RAP1GAP2: variants seen among roughly 807,000 people sequenced by gnomAD.
The protein encoded by RAP1GAP2 is rap1 GTPase-activating protein 2.
Under a neutral mutation model 95.0 loss-of-function variants are expected in RAP1GAP2, and 27 were observed. The ratio of observed to expected loss-of-function variants is 0.28; its 90% CI spans 0.21 to 0.39. The LOEUF (loss-of-function observed/expected upper bound fraction) is 0.39. Among genes scored for constraint, RAP1GAP2 ranks in the 10% least tolerant of loss-of-function variants. RAP1GAP2 has a pLI of 1.00. For synonymous variants in RAP1GAP2, 373 were observed against 380.9 expected (o/e 0.98, Z 0.24); for missense variants, 771 against 970.0 (o/e 0.79, Z 2.72).
chr17:2,892,236 T>C (rs1240792237), intron 2 of RAP1GAP2, among the ~76,000 whole-genome samples: 1 of 152,186 alleles, frequency 6.6e-6, no homozygotes, highest in Admixed American at 6.6e-5. Flanking sequence ...TTGGGATGGA[T>C]CTTGTGTCTT....
intron 2 of RAP1GAP2, chr17:2,854,081 G>A (rs1224155664): frequency 1.0e-6 from 1 of 985,286 alleles, no homozygotes; most frequent in African/African-American, 1.7e-5. Context: ...CACAAATCCC[G>A]GAGGCAGAAT....
chr17:2,987,739 A>T (rs879927971), intron 11 of RAP1GAP2, among the ~76,000 whole-genome samples: 1 of 149,846 alleles, frequency 6.7e-6, no homozygotes, highest in Admixed American at 6.7e-5. Flanking sequence ...AGGTAATTCT[A>T]AAAAAAAAAT....
chr17:2,852,888 T>C (rs73310079), intron 2 of RAP1GAP2, among the ~76,000 whole-genome samples: 3,839 of 152,278 alleles, frequency 0.025, 159 homozygotes, highest in African/African-American at 0.087. Flanking sequence ...CCTTCCGACC[T>C]TCCGACCTTC....
At chr17:2,792,110 T>C (rs934983209), upstream of RAP1GAP2, among the ~76,000 whole-genome samples, 5 of 152,068 alleles carry the variant, frequency 3.3e-5, 1 homozygote, top group Non-Finnish European at 7.4e-5. Context: ...TCCGCTTGCC[T>C]CGGCTTCCCA....
At chr17:2,972,598 CAAAAAAAAAAA>C (rs35539479) in intron 8 of RAP1GAP2, among the ~76,000 whole-genome samples, 2 of 85,506 alleles carry the variant, frequency 2.3e-5, no homozygotes, top group Admixed American at 1.5e-4. Flanking sequence ...AAGTCCTTCT[CAAAAAAAAAAA>C]AAAAAAAAAA....
intron 3 of RAP1GAP2, among the ~76,000 whole-genome samples, chr17:2,925,451 G>A (rs748297602): frequency 6.6e-6 from 1 of 152,122 alleles, no homozygotes. Flanking sequence ...CGAAGGAGGA[G>A]CTTCCAAACA....
intron 8 of RAP1GAP2, among the ~76,000 whole-genome samples, chr17:2,974,033 T>G (rs1253410309): frequency 6.6e-6 from 1 of 152,002 alleles, no homozygotes; most frequent in African/African-American, 2.4e-5. Flanking sequence ...GGCAATATCT[T>G]TCAAGTGTTT....
At chr17:2,886,171 AT>A (rs564574824) in intron 2 of RAP1GAP2, among the ~76,000 whole-genome samples, 4,922 of 123,118 alleles carry the variant, frequency 0.04, 120 homozygotes, top group African/African-American at 0.072. Flanking sequence ...GTATATATAT[AT>A]TTTTTTTTTT....
chr17:2,893,834 C>T (rs1324980574), intron 2 of RAP1GAP2, among the ~76,000 whole-genome samples: 1 of 152,194 alleles, frequency 6.6e-6, no homozygotes, highest in Non-Finnish European at 1.5e-5. Context: ...AGGCACCTGG[C>T]TTGGTGATTT....
intron 2 of RAP1GAP2, among the ~76,000 whole-genome samples, chr17:2,808,140 G>A (rs1346484076): frequency 3.3e-5 from 5 of 151,928 alleles, no homozygotes; most frequent in African/African-American, 4.8e-5. Context: ...CCCTTCTGTC[G>A]TGTCCAAGAG....
intron 2 of RAP1GAP2, among the ~76,000 whole-genome samples, chr17:2,881,351 G>T (rs1421539217): frequency 6.6e-6 from 1 of 152,202 alleles, no homozygotes; most frequent in African/African-American, 2.4e-5. Flanking sequence ...GAGCATTTTG[G>T]ATTTCAGCTT....
chr17:2,973,319 C>T (rs1233530130), intron 8 of RAP1GAP2, among the ~76,000 whole-genome samples: 1 of 152,020 alleles, frequency 6.6e-6, no homozygotes, highest in Non-Finnish European at 1.5e-5. Flanking sequence ...AGTTCGAGAC[C>T]AGGCTGGCCA....
chr17:2,786,873 C>G (rs1181868936), intron 1 of RAP1GAP2, among the ~76,000 whole-genome samples: 1 of 151,554 alleles, frequency 6.6e-6, no homozygotes, highest in Non-Finnish European at 1.5e-5. Context: ...TCTCAAACTC[C>G]TGACCTCAAG....
At chr17:2,910,309 T>C (rs2042330717) in intron 3 of RAP1GAP2, among the ~76,000 whole-genome samples, 1 of 152,222 alleles carries the variant, frequency 6.6e-6, no homozygotes. Flanking sequence ...TGCTTCTGGC[T>C]GGATCCTATA....
intron 1 of RAP1GAP2, among the ~76,000 whole-genome samples, chr17:2,760,292 C>CA (rs374784170): frequency 0.029 from 1,708 of 58,812 alleles, 45 homozygotes; most frequent in Non-Finnish European, 0.039. Flanking sequence ...GACTCTGTCT[C>CA]AAAAAAAAAA....
intron 3 of RAP1GAP2, among the ~76,000 whole-genome samples, chr17:2,928,351 C>T (rs189203979): frequency 5.9e-5 from 9 of 152,262 alleles, no homozygotes; most frequent in Admixed American, 5.2e-4. Context: ...TGCTTCTGTC[C>T]GGTTCTAATC....
chr17:2,814,175 C>T (rs932945682), intron 2 of RAP1GAP2, among the ~76,000 whole-genome samples: 1 of 152,134 alleles, frequency 6.6e-6, no homozygotes, highest in African/African-American at 2.4e-5. Flanking sequence ...GTGGGCTTGG[C>T]AGTCAGGCAG....
At chr17:3,017,320 G>A (rs79546794) in intron 17 of RAP1GAP2, among the ~76,000 whole-genome samples, 1,699 of 151,962 alleles carry the variant, frequency 0.011, 34 homozygotes, top group African/African-American at 0.038. Context: ...GAGCAGCTCC[G>A]TGCCCCCCGA....
chr17:2,873,359 C>T (rs2072932396), intron 2 of RAP1GAP2, among the ~76,000 whole-genome samples: 1 of 146,866 alleles, frequency 6.8e-6, no homozygotes, highest in African/African-American at 2.5e-5. Flanking sequence ...CCTGTGGTTC[C>T]AGCTACTTGG....
Sources: gnomAD v4.1 joint callset for allele counts (sites outside exome capture counted in the v4.1 genomes callset) on GRCh38, gnomAD v4.1.1 for gene constraint, MANE v1.5 for transcripts, NCBI Gene and HGNC (gene_info 2026-07-23, HGNC 2026-07-21) for gene names.